SPPL3: variants seen among roughly 807,000 people sequenced by gnomAD.
SPPL3 encodes the protein signal peptide peptidase like 3.
Under a neutral mutation model 42.4 loss-of-function variants are expected in SPPL3, and 5 were observed. The ratio of observed to expected loss-of-function variants is 0.12; its 90% CI spans 0.06 to 0.25. The LOEUF is 0.25. Ranked by LOEUF, SPPL3 falls within the 10% of genes least tolerant of loss-of-function variation. SPPL3 has a pLI of 1.00. For synonymous variants in SPPL3, 195 were observed against 181.8 expected, an observed-to-expected ratio of 1.07 and a Z score of -0.58; for missense variants, 235 against 489.0, an observed-to-expected ratio of 0.48 and a Z score of 4.90.
At chr12:120,811,483 T>TTTG (rs1311774145) in intron 1 of SPPL3, 1 of 152,302 alleles carries the variant, frequency 6.6e-6, no homozygotes, top group Non-Finnish European at 1.5e-5. Flanking sequence ...AAAAATCTGC[T>TTTG]GCATTCTTGA....
In SPPL3 at chr12:120,780,168, A is replaced by G. The variant is rs1321530247; in HGVS notation, c.502+2487T>C. ...GGTCTTGAACTCCTCGCCTCAAGCA[A>G]TCCTCCCATCCTGGCCTCTCAAAGT... On this transcript the variant is annotated intron_variant, in intron 6 of 10. Coordinates refer to ENST00000353487, the MANE Select transcript of SPPL3 (RefSeq NM_139015.5). Among the ~76,000 whole-genome samples the G allele has an allele frequency of 2.7e-5, 4 of 150,604 alleles. No individual in the cohort carries two copies. In the South Asian group the frequency reaches 6.4e-4, roughly 24 times the overall value.
chr12:120,799,758 G>A (rs1870226423), intron 2 of SPPL3, among the ~76,000 whole-genome samples: 1 of 152,096 alleles, frequency 6.6e-6, no homozygotes, highest in South Asian at 2.1e-4. Context: ...GAGTTAGTAG[G>A]GCCTTACCTA....
At chr12:120,782,511 C>T (rs565882833) in intron 6 of SPPL3, 144 bp downstream of exon 6, 1 of 570,812 alleles carries the variant, frequency 1.8e-6, no homozygotes, top group Non-Finnish European at 3.1e-6. Flanking sequence ...AGGGGAATGA[C>T]CGCTCATTTG....
chr12:120,864,479 GA>G (rs1440301014), intron 1 of SPPL3, among the ~76,000 whole-genome samples: 2 of 152,102 alleles, frequency 1.3e-5, no homozygotes, highest in Non-Finnish European at 2.9e-5. Flanking sequence ...AGGCTGCAGC[GA>G]GCCGAGATCA....
intron 1 of SPPL3, among the ~76,000 whole-genome samples, chr12:120,813,313 C>T (rs953363410): frequency 1.3e-5 from 2 of 149,228 alleles, no homozygotes; most frequent in Non-Finnish European, 1.5e-5. Context: ...CTTTTGGATC[C>T]TCAGCTTTTT....
At position 120,773,362 on chromosome 12, in the gene SPPL3, A is replaced by G. The variant is rs115281556; in HGVS notation, c.503-4303T>C. Among the ~76,000 whole-genome samples the G allele has an allele frequency of 3.4e-3, 524 of 152,344 alleles. 2 individuals carry two copies. Among genetic ancestry groups the G allele is most frequent in the African/African-American group, 0.012 (507 of 41,576 alleles). On this transcript the variant is annotated intron_variant, in intron 6 of 10. Transcript: ENST00000353487. ...GTGAGACACAGGTTTGTGTATAGATACTGGCTAGGGTGATCTGTTCATGGA... is the reference window on the plus strand; with the variant it reads ...GTGAGACACAGGTTTGTGTATAGATGCTGGCTAGGGTGATCTGTTCATGGA...
intron 1 of SPPL3, among the ~76,000 whole-genome samples, chr12:120,836,217 C>T (rs1252926239): frequency 6.6e-6 from 1 of 151,784 alleles, no homozygotes; most frequent in African/African-American, 2.4e-5. Context: ...CTGGGCTATC[C>T]TTGCAACTTT....
At chr12:120,765,412 TG>T (rs1459148322) in intron 10 of SPPL3, among the ~76,000 whole-genome samples, 8 of 152,192 alleles carry the variant, frequency 5.3e-5, no homozygotes, top group African/African-American at 1.7e-4. Flanking sequence ...CTCAGCTTCC[TG>T]AGTAGCTGGG....
At chr12:120,879,113 C>CAAAAAAAAAA (rs63543261) in intron 1 of SPPL3, among the ~76,000 whole-genome samples, 1 of 65,138 alleles carries the variant, frequency 1.5e-5, no homozygotes, top group African/African-American at 4.6e-5. Context: ...AACTCTGTCT[C>CAAAAAAAAAA]AAAAAAAAAA....
At chr12:120,831,519 TCACTGTTTATGC>T (rs1227945924) in intron 1 of SPPL3, among the ~76,000 whole-genome samples, 1 of 152,204 alleles carries the variant, frequency 6.6e-6, no homozygotes, top group Non-Finnish European at 1.5e-5. Context: ...CTTTGCATGC[TCACTGTTTATGC>T]CACTGTTTAT....
intron 6 of SPPL3, among the ~76,000 whole-genome samples, chr12:120,779,935 T>C (rs1171566728): frequency 1.3e-5 from 2 of 149,110 alleles, no homozygotes; most frequent in African/African-American, 5.0e-5. Flanking sequence ...GAGGCGGAGG[T>C]TGCAGTGAGC....
chr12:120,795,089 A>G (rs1285208777), intron 2 of SPPL3, among the ~76,000 whole-genome samples: 1 of 152,088 alleles, frequency 6.6e-6, no homozygotes, highest in African/African-American at 2.4e-5. Context: ...ACCTCACAAT[A>G]TATAATGTTT....
chr12:120,886,980 A>ATT lies in SPPL3; in HGVS notation c.23+16863_23+16864dup, dbSNP rs35067916. ...ATTACATACCATCAGTGATATAATAATTTTTTTTTTTTTGAGACAGAATTA... is the reference window on the plus strand; with the variant it reads ...ATTACATACCATCAGTGATATAATAATTTTTTTTTTTTTTTGAGACAGAATTA... On this transcript the variant is annotated intron_variant, in intron 1 of 10. Coordinates refer to ENST00000353487, the MANE Select transcript of SPPL3 (RefSeq NM_139015.5). Among the ~76,000 whole-genome samples, 564 of 147,766 alleles carry ATT rather than the reference A, an allele frequency of 3.8e-3. 2 individuals are homozygous for ATT. The highest frequency in any genetic ancestry group is 0.013 in the African/African-American group (530 of 40,272).
intron 1 of SPPL3, among the ~76,000 whole-genome samples, chr12:120,836,715 A>G (rs1049902713): frequency 6.6e-6 from 1 of 152,218 alleles, no homozygotes; most frequent in African/African-American, 2.4e-5. Flanking sequence ...TATGCTTACA[A>G]AAGGGCAACC....
intron 1 of SPPL3, among the ~76,000 whole-genome samples, chr12:120,820,612 G>A (rs573165919): frequency 5.9e-5 from 9 of 151,918 alleles, no homozygotes; most frequent in African/African-American, 1.5e-4. Context: ...CACTGTGTCC[G>A]GCCTATCTAA....
intron 6 of SPPL3, among the ~76,000 whole-genome samples, chr12:120,774,125 G>C (rs879376866): frequency 1.3e-5 from 2 of 151,994 alleles, no homozygotes; most frequent in Non-Finnish European, 2.9e-5. Flanking sequence ...TTCCAAATAA[G>C]AAAGTCTGGG....
At chr12:120,845,858 T>TTACC (rs1872013314) in intron 1 of SPPL3, among the ~76,000 whole-genome samples, 2 of 147,416 alleles carry the variant, frequency 1.4e-5, no homozygotes, top group East Asian at 4.0e-4. Flanking sequence ...TTAGAATCCA[T>TTACC]TATCTATCTA....
chr12:120,856,527 T>TTTTTTA (rs1872464602), intron 1 of SPPL3, among the ~76,000 whole-genome samples: 1 of 144,440 alleles, frequency 6.9e-6, no homozygotes, highest in Non-Finnish European at 1.5e-5. Context: ...TTTTTTTTTT[T>TTTTTTA]GAGACAGAGC....
chr12:120,812,259 C>G (rs573244152), intron 1 of SPPL3, among the ~76,000 whole-genome samples: 4 of 151,900 alleles, frequency 2.6e-5, no homozygotes, highest in African/African-American at 7.2e-5. Flanking sequence ...CTCAGTCTCT[C>G]GAGTAGCTGG....
Sources: gnomAD v4.1 joint callset for allele counts (sites outside exome capture counted in the v4.1 genomes callset) on GRCh38, gnomAD v4.1.1 for gene constraint, MANE v1.5 for transcripts, NCBI Gene and HGNC (gene_info 2026-07-23, HGNC 2026-07-21) for gene names.